The following TET1 variants were observed in gnomAD, a reference collection of about 807,000 sequenced individuals.
TET1 encodes the protein methylcytosine dioxygenase TET1.
TET1 carries 13 observed loss-of-function variants against 148.7 expected under a neutral mutation model. The ratio of observed to expected loss-of-function variants is 0.09; its 90% CI spans 0.06 to 0.14. The LOEUF is 0.14. Ranked by LOEUF, TET1 falls within the 10% of genes least tolerant of loss-of-function variation. The pLI is 1.00. For missense variants in TET1, 2,182 were observed against 2,553.8 expected (o/e 0.85, Z 3.14); for synonymous variants, 907 against 937.2 (o/e 0.97, Z 0.59).
rs529532311 is a variant in TET1 at position 68,665,373 on chromosome 10, G to A, written c.4462-1672G>A. Among the ~76,000 whole-genome samples the A allele has an allele frequency of 8.5e-5, 13 of 152,176 alleles. No homozygotes were observed. In the South Asian group the frequency reaches 1.5e-3, roughly 17 times the overall value. On this transcript the variant is annotated intron_variant, in intron 6 of 11. Transcript: ENST00000373644. ...AGAGATCAATTTTGGGAAAATTGAC[G>A]TAATTATAATAATGTCTATTCCATG...
intron 8 of TET1, among the ~76,000 whole-genome samples, chr10:68,679,005 G>T (rs951410484): frequency 6.6e-6 from 1 of 151,948 alleles, no homozygotes; most frequent in Non-Finnish European, 1.5e-5. Context: ...GTGAAATCCT[G>T]TCTCTACTAA....
chr10:68,673,136 A>T, intron 8 of TET1, 91 bp downstream of exon 8: 3 of 1,052,090 alleles, frequency 2.9e-6, no homozygotes. Context: ...AAACACTATA[A>T]AAACTAAATA....
chr10:68,626,671 C>T (rs1404377582), intron 3 of TET1, among the ~76,000 whole-genome samples: 1 of 151,938 alleles, frequency 6.6e-6, no homozygotes, highest in Non-Finnish European at 1.5e-5. Flanking sequence ...CTGCCTCAGC[C>T]TCTCGAGTAG....
At chr10:68,650,094 T>C (rs1247475957) in intron 4 of TET1, among the ~76,000 whole-genome samples, 4 of 152,156 alleles carry the variant, frequency 2.6e-5, no homozygotes, top group Admixed American at 6.5e-5. Context: ...CTGAGCAGTA[T>C]TGGTGTTTTA....
chr10:68,674,973 C>G (rs1816114675), intron 8 of TET1: 1 of 381,916 alleles, frequency 2.6e-6, no homozygotes, highest in Non-Finnish European at 4.9e-6. Flanking sequence ...GCTGAAGAAG[C>G]CTAGCTTTGA....
intron 6 of TET1, among the ~76,000 whole-genome samples, chr10:68,657,116 C>T (rs1050597534): frequency 6.6e-6 from 1 of 151,978 alleles, no homozygotes; most frequent in Admixed American, 6.6e-5. Flanking sequence ...GGCGGGAGGA[C>T]CACTGGAGCC....
intron 3 of TET1, among the ~76,000 whole-genome samples, chr10:68,624,660 C>CTTTCCTTCTTTCTTTCTTTCTTTCTT (rs1462948714): frequency 8.1e-5 from 6 of 74,530 alleles, no homozygotes; most frequent in African/African-American, 2.1e-4. Flanking sequence ...TTCTTTCTTT[C>CTTTCCTTCTTTCTTTCTTTCTTTCTT]TCTCTCTCTC....
rs965176490 is a variant in TET1 at position 68,560,429 on chromosome 10, G to T, written c.-436G>T. Among the ~76,000 whole-genome samples the T allele has an allele frequency of 6.6e-6, 1 of 152,220 alleles. No homozygotes were observed. The highest frequency in any genetic ancestry group is 1.5e-5 in the Non-Finnish European group (1 of 68,034). On this transcript the variant is annotated 5_prime_UTR_variant, in exon 1 of 12. Coordinates refer to ENST00000373644, the MANE Select transcript of TET1 (RefSeq NM_030625.3). ...GCAGTCTGCTCCGGCGCCGCTTTGTGCGCGCAGCCGCTGGCCCCTCTACTC... is the reference window on the plus strand; with the variant it reads ...GCAGTCTGCTCCGGCGCCGCTTTGTTCGCGCAGCCGCTGGCCCCTCTACTC...
intron 2 of TET1, among the ~76,000 whole-genome samples, chr10:68,581,589 C>G (rs2053798784): frequency 6.6e-6 from 1 of 152,090 alleles, no homozygotes; most frequent in Non-Finnish European, 1.5e-5. Flanking sequence ...TGCCTGTAAC[C>G]CCACCACTTT....
chr10:68,692,510 C>T lies in TET1; in HGVS notation c.*696C>T. The T allele has an allele frequency of 4.3e-6, 1 of 231,992 alleles. No homozygotes were observed. Among genetic ancestry groups the T allele is most frequent in the Non-Finnish European group, 8.5e-6 (1 of 117,060 alleles). The allele number at this position is 231,992 out of a possible 1,614,324, so 14.4% of individuals were successfully genotyped here. The stretch of plus-strand genomic sequence containing the variant: ...ATTGTCTATTGTTTGTGCATATTTG[C>T]ATACAAGAGAAATCATTTATCCTTG... On this transcript the variant is annotated 3_prime_UTR_variant, in exon 12 of 12. Transcript: ENST00000373644.
chr10:68,624,641 T>TTTCC (rs1564974850), intron 3 of TET1, among the ~76,000 whole-genome samples: 6 of 48,736 alleles, frequency 1.2e-4, no homozygotes, highest in African/African-American at 8.2e-4. Flanking sequence ...TCTTTCTTTC[T>TTTCC]TTCTTTCTTT....
chr10:68,618,698 C>T (rs1589081131), intron 3 of TET1, among the ~76,000 whole-genome samples: 1 of 152,296 alleles, frequency 6.6e-6, no homozygotes, highest in East Asian at 1.9e-4. Context: ...ATTATAATAG[C>T]ATAAGTATAG....
At chr10:68,594,150 T>G (rs1041479970) in intron 2 of TET1, among the ~76,000 whole-genome samples, 10 of 152,130 alleles carry the variant, frequency 6.6e-5, no homozygotes, top group African/African-American at 2.4e-4. Flanking sequence ...GGTCTCAAAC[T>G]CCTGACCTCA....
In TET1 at chr10:68,616,548, T is replaced by C. The variant is rs190742155; in HGVS notation, c.1968+15514T>C. Among the ~76,000 whole-genome samples the C allele has an allele frequency of 2.6e-3, 396 of 152,268 alleles. 2 individuals carry two copies. The highest frequency in any genetic ancestry group is 9.2e-3 in the African/African-American group (381 of 41,548). ...TTAAGCAATCTTTTGAGAATTTTTT[T>C]TTTTAATGAGACATGGTCTCACTCT... On this transcript the variant is annotated intron_variant, in intron 3 of 11. Transcript: ENST00000373644.
chr10:68,659,328 G>T (rs2055071606), intron 6 of TET1, among the ~76,000 whole-genome samples: 1 of 152,150 alleles, frequency 6.6e-6, no homozygotes, highest in South Asian at 2.1e-4. Context: ...ATACCTACAA[G>T]TGATTTTTTT....
rs770830999 is a variant in TET1 at position 68,574,041 on chromosome 10, T to A, written c.1703T>A (p.Met568Lys). The A allele has an allele frequency of 6.2e-7, 1 of 1,614,154 alleles. No homozygotes were observed. Among genetic ancestry groups the A allele is most frequent in the Non-Finnish European group, 8.5e-7 (1 of 1,180,032 alleles). Residue 568 changes from methionine (M) to lysine (K), a missense_variant, in exon 2 of 12, where the codon ATG becomes AAG. By Grantham distance (95) the Met-to-Lys change is moderately conservative. Around this residue, in one of 11 missense-constraint regions of TET1, gnomAD observed 665 missense variants for 672.4 expected, o/e 0.99. Coordinates refer to ENST00000373644, the MANE Select transcript of TET1 (RefSeq NM_030625.3). ...NTTVVTMPVP[M>K]VSTSSSSYTT... The stretch of plus-strand genomic sequence containing the variant: ...ACAGTGGTGACTATGCCAGTGCCAA[T>A]GGTCAGTACCTCCTCTTCTTCCTAT...
intron 2 of TET1, among the ~76,000 whole-genome samples, chr10:68,584,192 A>G (rs1383811301): frequency 6.7e-6 from 1 of 150,050 alleles, no homozygotes; most frequent in Non-Finnish European, 1.5e-5. Flanking sequence ...GGCACACCCC[A>G]CCACACCCAG....
At chr10:68,565,321 G>C (rs922048892) in intron 1 of TET1, among the ~76,000 whole-genome samples, 6 of 151,644 alleles carry the variant, frequency 4.0e-5, no homozygotes, top group Admixed American at 6.6e-5. Flanking sequence ...CTTTACAAAA[G>C]AAAGAAAAAA....
rs528002456 is a variant in TET1, at chr10:68,573,396, C to G, written c.1058C>G (p.Ala353Gly). 6.2e-7 allele frequency: 1 copy of G among 1,614,116 alleles called. No homozygotes were observed. The highest frequency in any genetic ancestry group is 1.7e-5 in the Admixed American group (1 of 60,014). Residue 353 changes from alanine (A) to glycine (G), a missense_variant, in exon 2 of 12, where the codon GCA (alanine) becomes GGA (glycine). Around this residue, in one of 11 missense-constraint regions of TET1, gnomAD observed 665 missense variants for 672.4 expected, o/e 0.99. Transcript: ENST00000373644. ...PDHQEAFEAT[A>G]NQQEVSDTTS... is the part of the protein sequence containing the mutation. ...CATCAAGAGGCCTTCGAAGCTACTG[C>G]AAATCAACAGGAAGTTTCTGATACC...
Sources: allele counts gnomAD v4.1 joint callset (sites outside exome capture counted in the v4.1 genomes callset), GRCh38; gene constraint gnomAD v4.1.1; regional missense constraint gnomAD v4.1.1; transcripts MANE v1.5; gene names NCBI Gene and HGNC (gene_info 2026-07-23, HGNC 2026-07-21).